The following IL2RA variants were observed in gnomAD, a reference collection of about 807,000 sequenced individuals.
IL2RA encodes interleukin 2 receptor subunit alpha.
Under a neutral mutation model 37.8 loss-of-function variants are expected in IL2RA, and 24 were observed. The observed-to-expected ratio is 0.63, with a 90% CI of 0.46 to 0.89. The LOEUF is 0.89. Ranked by LOEUF, IL2RA falls within the 40% of genes least tolerant of loss-of-function variation. The pLI, the probability that IL2RA is intolerant of heterozygous loss-of-function variation, is 0.00. For synonymous variants in IL2RA, 125 were observed against 114.6 expected (o/e 1.09, Z -0.58); for missense variants, 319 against 348.6 (o/e 0.92, Z 0.68).
At chr10:6,061,996 C>A in intron 1 of IL2RA, 92 bp downstream of exon 1, 2 of 1,076,502 alleles carry the variant, frequency 1.9e-6, no homozygotes, top group South Asian at 2.5e-5. Flanking sequence ...TTCTTGGAAC[C>A]ATCTACCTGG....
intron 1 of IL2RA, among the ~76,000 whole-genome samples, chr10:6,059,186 G>C (rs905055749): frequency 6.6e-6 from 1 of 152,174 alleles, no homozygotes; most frequent in African/African-American, 2.4e-5. Flanking sequence ...CATTTGCCTT[G>C]TGATTGGACT....
chr10:6,032,462 G>T (rs1164928325), intron 1 of IL2RA, among the ~76,000 whole-genome samples: 2 of 151,938 alleles, frequency 1.3e-5, no homozygotes, highest in Non-Finnish European at 2.9e-5. Context: ...GGAGGCCGGG[G>T]CGGGCAGATC....
In IL2RA at chr10:6,056,732, C is replaced by T. The variant is rs933730682; in HGVS notation, c.64+5356G>A. On this transcript the variant is annotated intron_variant, in intron 1 of 7. Transcript: ENST00000379959. This position sits in a 1 kb window ranked among gnomAD's most constrained non-coding sequence, Gnocchi z 5.0. Reference sequence around the variant, plus strand: ...TTGCACCACTGTGCTCTAGCCTGGGCGACAGAGCGAAACTGTCCAAAAAAA... The same window carrying T: ...TTGCACCACTGTGCTCTAGCCTGGGTGACAGAGCGAAACTGTCCAAAAAAA... 2.6e-5 allele frequency among the ~76,000 whole-genome samples: 4 copies of T among 151,404 alleles called. No homozygotes were observed. Among genetic ancestry groups the T allele is most frequent in the East Asian group, 1.9e-4 (1 of 5,182 alleles).
At position 6,025,907 on chromosome 10, in the gene IL2RA, C is replaced by A; in HGVS notation, c.183G>T (p.Gly61=). The A allele has an allele frequency of 6.2e-7, 1 of 1,614,192 alleles. No individual in the cohort carries two copies. The highest frequency in any genetic ancestry group is 8.5e-7 in the Non-Finnish European group (1 of 1,180,034). ...TTCCTGTACAGAGCATATAGAGTGA[C>A]CCGCTTTTTATTCTGCGGAAACCTC... ...CKRGFRRIKS[G]SLYMLCTGNS... The change falls in exon 2 of 8, where the codon GGG becomes GGT. Residue 61 remains glycine, a synonymous_variant. Transcript: ENST00000379959. The surrounding 1 kb of genome is among the most constrained non-coding windows in gnomAD (Gnocchi z 4.4).
rs1158348292 is a variant in IL2RA at position 6,025,286 on chromosome 10, G to A, written c.256+548C>T. Among the ~76,000 whole-genome samples the A allele has an allele frequency of 6.6e-6, 1 of 152,116 alleles. No individual in the cohort carries two copies. The highest frequency in any genetic ancestry group is 2.4e-5 in the African/African-American group (1 of 41,406). ...CAAGATTCACTTGAACCCAGGAGGTGGAGGTTGCAGTGATCTGAGATTGTA... is the reference window on the plus strand; with the variant it reads ...CAAGATTCACTTGAACCCAGGAGGTAGAGGTTGCAGTGATCTGAGATTGTA... On this transcript the variant is annotated intron_variant, in intron 2 of 7. Transcript: ENST00000379959. The surrounding 1 kb of genome is among the most constrained non-coding windows in gnomAD (Gnocchi z 4.4).
chr10:6,014,157 C>T lies in IL2RA; in HGVS notation c.795-1261G>A, dbSNP rs1267806103. 6.6e-6 allele frequency among the ~76,000 whole-genome samples: 1 copy of T among 152,176 alleles called. No homozygotes were observed. Among genetic ancestry groups the T allele is most frequent in the Non-Finnish European group, 1.5e-5 (1 of 68,034 alleles). ...TTTCCATAATGGCTATGCTTAAAAA[C>T]CAGTTTGCAGAAGTCCCGAAAATTT... On this transcript the variant is annotated intron_variant, in intron 7 of 7. Transcript: ENST00000379959. The surrounding 1 kb of genome is among the most constrained non-coding windows in gnomAD (Gnocchi z 4.4).
chr10:6,037,181 G>A (rs565249731), intron 1 of IL2RA, among the ~76,000 whole-genome samples: 6 of 152,342 alleles, frequency 3.9e-5, no homozygotes, highest in South Asian at 2.1e-4. Flanking sequence ...ACAGGGTGCA[G>A]TGGAAACGTC....
intron 1 of IL2RA, among the ~76,000 whole-genome samples, chr10:6,042,052 T>C (rs1589305270): frequency 6.7e-6 from 1 of 149,118 alleles, no homozygotes; most frequent in African/African-American, 2.5e-5. Context: ...ACAATACATA[T>C]GGTTGATAAG....
At chr10:6,060,182 G>A (rs907260830) in intron 1 of IL2RA, among the ~76,000 whole-genome samples, 2 of 152,206 alleles carry the variant, frequency 1.3e-5, no homozygotes, top group African/African-American at 4.8e-5. Flanking sequence ...CCCTGTGGAT[G>A]TAGAAATCAC....
In IL2RA at chr10:6,018,751, A is replaced by C. The variant is rs935022060; in HGVS notation, c.728-632T>G. ...GCTCACAGCATCCTGTAACTGGTTC[A>C]TGCGAATTCTGAGTTACGTCAGTAT... On this transcript the variant is annotated intron_variant, in intron 6 of 7. Coordinates refer to ENST00000379959, the MANE Select transcript of IL2RA (RefSeq NM_000417.3). This position sits in a 1 kb window ranked among gnomAD's most constrained non-coding sequence, Gnocchi z 5.1. 1.3e-5 allele frequency among the ~76,000 whole-genome samples: 2 copies of C among 152,182 alleles called. No homozygotes were observed. The highest frequency in any genetic ancestry group is 2.9e-5 in the Non-Finnish European group (2 of 68,020).
At chr10:6,034,437 T>A (rs898505556) in intron 1 of IL2RA, among the ~76,000 whole-genome samples, 1 of 147,356 alleles carries the variant, frequency 6.8e-6, no homozygotes, top group East Asian at 2.0e-4. Flanking sequence ...AGGAATAAAT[T>A]TGGGATTTTT....
At chr10:6,045,503 G>A (rs934833746) in intron 1 of IL2RA, among the ~76,000 whole-genome samples, 6 of 152,046 alleles carry the variant, frequency 3.9e-5, no homozygotes, top group Non-Finnish European at 8.8e-5. Context: ...GAGTCTTCTC[G>A]GTCGACAACA....
chr10:6,019,997 C>T lies in IL2RA; in HGVS notation c.584-56G>A, dbSNP rs989355429. ...GCTAAACACAGGAGTCAGGGCCTCA[C>T]TCCCACCCCGCCTGCCCCAGGCAGC... On this transcript the variant is annotated intron_variant, in intron 4 of 7. Transcript: ENST00000379959. The T allele has an allele frequency of 5.4e-6, 8 of 1,471,150 alleles. No individual in the cohort carries two copies. In the African/African-American group the frequency reaches 6.9e-5, roughly 13 times the overall value. 91.1% of individuals were successfully genotyped at this position (1,471,150 alleles called of 1,614,324 possible).
At chr10:6,052,730 G>A (rs1270001782) in intron 1 of IL2RA, among the ~76,000 whole-genome samples, 2 of 152,186 alleles carry the variant, frequency 1.3e-5, no homozygotes, top group South Asian at 4.1e-4. Flanking sequence ...TCTGAAGGAG[G>A]TATCTATTTT....
intron 1 of IL2RA, among the ~76,000 whole-genome samples, chr10:6,052,098 C>T (rs1168251011): frequency 6.6e-6 from 1 of 151,816 alleles, no homozygotes; most frequent in East Asian, 1.9e-4. Flanking sequence ...GAAATGTTCC[C>T]ATTTTCTCTG....
rs753275696 is a variant in IL2RA, at chr10:6,036,027, G to C, written c.65-10002C>G. The C allele has an allele frequency of 6.6e-6, 1 of 152,286 alleles. No individual in the cohort carries two copies. Among genetic ancestry groups the C allele is most frequent in the Non-Finnish European group, 1.5e-5 (1 of 68,110 alleles). 9.4% of individuals were successfully genotyped at this position (152,286 alleles called of 1,614,324 possible). On this transcript the variant is annotated intron_variant, in intron 1 of 7. Coordinates refer to ENST00000379959, the MANE Select transcript of IL2RA (RefSeq NM_000417.3). This position sits in a 1 kb window ranked among gnomAD's most constrained non-coding sequence, Gnocchi z 6.1. The stretch of plus-strand genomic sequence containing the variant: ...CTTGGCAATCGCAAGTGACAGTGAC[G>C]GAGAGCCACCTCCTCTGGAATGCAT...
chr10:6,015,742 C>A lies in IL2RA; in HGVS notation c.794+2311G>T, dbSNP rs1720669512. 6.6e-6 allele frequency among the ~76,000 whole-genome samples: 1 copy of A among 152,146 alleles called. No homozygotes were observed. The highest frequency in any genetic ancestry group is 6.5e-5 in the Admixed American group (1 of 15,276). ...TATGTTCCTACAGATGATTCTGGTG[C>A]TAGTTCAAGTTTGAAAACCAATGGC... On this transcript the variant is annotated intron_variant, in intron 7 of 7. Transcript: ENST00000379959. The surrounding 1 kb of genome is among the most constrained non-coding windows in gnomAD (Gnocchi z 4.9).
rs767036534 is a variant in IL2RA at position 6,021,923 on chromosome 10, G to T, written c.368-230C>A. Among the ~76,000 whole-genome samples, 23 of 152,176 alleles carry T rather than the reference G, an allele frequency of 1.5e-4. No individual in the cohort carries two copies. The highest frequency in any genetic ancestry group is 2.8e-4 in the Non-Finnish European group (19 of 68,032). ...CTGCAAGGGGTGGACAGTGGATTGG[G>T]TAAGAAAGGCATGTGAAGGATAGCA... On this transcript the variant is annotated intron_variant, in intron 3 of 7. Transcript: ENST00000379959. This position sits in a 1 kb window ranked among gnomAD's most constrained non-coding sequence, Gnocchi z 4.9.
chr10:6,021,220 T>C lies in IL2RA; in HGVS notation c.583+258A>G, dbSNP rs908920105. Among the ~76,000 whole-genome samples, 1 of 152,088 alleles carries C rather than the reference T, an allele frequency of 6.6e-6. No homozygotes were observed. The highest frequency in any genetic ancestry group is 2.4e-5 in the African/African-American group (1 of 41,404). On this transcript the variant is annotated intron_variant, in intron 4 of 7. Transcript: ENST00000379959. This position sits in a 1 kb window ranked among gnomAD's most constrained non-coding sequence, Gnocchi z 4.9. The stretch of plus-strand genomic sequence containing the variant: ...CATCTAGGGTGCTTAGGAGAGGGCT[T>C]TCCTTCTCTTCTGTCTCCAACCTTT...
Sources: gnomAD v4.1 joint callset for allele counts (sites outside exome capture counted in the v4.1 genomes callset) on GRCh38, gnomAD v4.1.1 for gene constraint, Gnocchi (gnomAD v3.1) non-coding constraint, MANE v1.5 for transcripts, NCBI Gene and HGNC (gene_info 2026-07-23, HGNC 2026-07-21) for gene names.